The following VWA3B variants were observed in gnomAD, a reference collection of about 807,000 sequenced individuals.
VWA3B encodes von Willebrand factor A domain containing 3B.
A neutral mutation model predicts 158.3 loss-of-function variants in VWA3B; 138 were observed. That is an observed-to-expected ratio of 0.87 (90% CI 0.76 to 1.00). The LOEUF is 1.00. Ranked by LOEUF, VWA3B falls within the 50% of genes least tolerant of loss-of-function variation. The pLI, the probability that VWA3B is intolerant of heterozygous loss-of-function variation, is 0.00. For missense variants in VWA3B, 1,555 were observed against 1,565.1 expected (o/e 0.99, Z 0.11); for synonymous variants, 596 against 587.3 (o/e 1.01, Z -0.21).
In VWA3B at chr2:98,187,861, C is replaced by T. The variant is rs552752747; in HGVS notation, c.1312-114C>T. The T allele has an allele frequency of 7.9e-5, 86 of 1,084,272 alleles. 1 individual carries two copies. The South Asian group carries it at 1.3e-3, about 16-fold the overall frequency. The allele number at this position is 1,084,272 out of a possible 1,614,324, so 67.2% of individuals were successfully genotyped here. A position where few individuals can be genotyped will look rare whatever the true frequency, so the allele number is the denominator to read the frequency against. ...GTTGAACTAACAAAGGAATGATTGA[C>T]GGTAGAGTGGAGTGCTAGGAGCCAC... On this transcript the variant is annotated intron_variant, in intron 9 of 27. Transcript: ENST00000477737.
chr2:98,316,817 C>A (rs1054757291), downstream of VWA3B, among the ~76,000 whole-genome samples: 1 of 151,930 alleles, frequency 6.6e-6, no homozygotes. Context: ...GTAGCACCTC[C>A]CCTCCCCTCT....
chr2:98,313,850 G>A (rs931270003), downstream of VWA3B, among the ~76,000 whole-genome samples: 11 of 152,296 alleles, frequency 7.2e-5, no homozygotes, highest in African/African-American at 2.6e-4. Flanking sequence ...ACATTGCAGT[G>A]CACAAGGCCA....
chr2:98,267,819 A>G (rs1448839925), intron 21 of VWA3B, among the ~76,000 whole-genome samples: 1 of 152,156 alleles, frequency 6.6e-6, no homozygotes, highest in African/African-American at 2.4e-5. Flanking sequence ...AAAAAGAGAG[A>G]AGAATCAAAT....
chr2:98,306,479 G>A (rs373322915), intron 26 of VWA3B, among the ~76,000 whole-genome samples: 3 of 151,880 alleles, frequency 2.0e-5, no homozygotes, highest in East Asian at 3.9e-4. Flanking sequence ...TATCAAAAAC[G>A]TATGCTACAA....
chr2:98,322,267 G>C, the VWA3B span, among the ~76,000 whole-genome samples: 1 of 152,202 alleles, frequency 6.6e-6, no homozygotes, highest in Non-Finnish European at 1.5e-5. Flanking sequence ...ACTGCAAATG[G>C]AGAAGGAAAG....
Position 98,270,834 on chromosome 2 carries a change from A to G in VWA3B, c.2996A>G (p.Glu999Gly), listed in dbSNP as rs1482462848. The G allele has an allele frequency of 1.9e-6, 3 of 1,614,070 alleles. No homozygotes were observed. Among genetic ancestry groups the G allele is most frequent in the South Asian group, 1.1e-5 (1 of 91,072 alleles). The change falls in exon 22 of 28, where the codon GAA (glutamate) becomes GGA (glycine). Residue 999 changes from glutamate to glycine, a missense_variant. Physicochemically the swap from Glu to Gly is moderately conservative, Grantham distance 98. Coordinates refer to ENST00000477737, the MANE Select transcript of VWA3B (RefSeq NM_144992.5). ...AGKMYIQQAM[E>G]LQEAAKKNYA... Reference sequence around the variant, plus strand: ...AAAATGTACATCCAGCAGGCCATGGAACTCCAGGAGGCTGCCAAGAAGAAT... The same window carrying G: ...AAAATGTACATCCAGCAGGCCATGGGACTCCAGGAGGCTGCCAAGAAGAAT...
rs140358753 is a variant in VWA3B at position 98,115,863 on chromosome 2, T to A, written c.291+117T>A. On this transcript the variant is annotated intron_variant, in intron 3 of 27. Transcript: ENST00000477737. Reference sequence around the variant, plus strand: ...GCAGGGATGCAGCTGAGCCAAGCCCTTATTAGGCTGGGGGTTTTCTTTTGG... The same window carrying A: ...GCAGGGATGCAGCTGAGCCAAGCCCATATTAGGCTGGGGGTTTTCTTTTGG... 1,052 of 770,776 alleles carry A rather than the reference T, an allele frequency of 1.4e-3. 10 individuals are homozygous for A. In the African/African-American group the frequency reaches 0.016, roughly 12 times the overall value. The allele number at this position is 770,776 out of a possible 1,614,324, so 47.7% of individuals were successfully genotyped here.
intron 26 of VWA3B, among the ~76,000 whole-genome samples, chr2:98,311,273 T>C (rs1158136771): frequency 1.3e-5 from 2 of 152,210 alleles, no homozygotes; most frequent in African/African-American, 4.8e-5. Context: ...GTAAATAAGC[T>C]TTGTCAGCGT....
intron 25 of VWA3B, among the ~76,000 whole-genome samples, chr2:98,303,159 G>A (rs1316502906): frequency 6.6e-6 from 1 of 152,128 alleles, no homozygotes; most frequent in Non-Finnish European, 1.5e-5. Flanking sequence ...AGATGAGGCA[G>A]TTGGCCCAGG....
Position 98,186,405 on chromosome 2 carries a change from C to G in VWA3B, c.1312-1570C>G, listed in dbSNP as rs368165852. ...CCTTCAAAATGTACCCCTCCAGCCC[C>G]GCGGCCTACCCTGATCTCCCGACTA... On this transcript the variant is annotated intron_variant, in intron 9 of 27. Coordinates refer to ENST00000477737, the MANE Select transcript of VWA3B (RefSeq NM_144992.5). Among the ~76,000 whole-genome samples, 53 of 152,128 alleles carry G rather than the reference C, an allele frequency of 3.5e-4. No homozygotes were observed. The East Asian group carries it at 5.8e-3, about 17-fold the overall frequency.
chr2:98,115,848 A>ATC, intron 3 of VWA3B, 102 bp downstream of exon 3: 1 of 917,534 alleles, frequency 1.1e-6, no homozygotes, highest in Non-Finnish European at 1.7e-6. Context: ...GCAGGGATGC[A>ATC]GCTGAGCCAA....
At chr2:98,319,648 G>C in the VWA3B span, among the ~76,000 whole-genome samples, 44 of 152,328 alleles carry the variant, frequency 2.9e-4, no homozygotes, top group African/African-American at 1.0e-3. Context: ...GGGAGTCTGA[G>C]ATGGGTGGAT....
rs370834114 is a variant in VWA3B at position 98,192,894 on chromosome 2, C to T, written c.1467-4C>T. 7.4e-6 allele frequency: 12 copies of T among 1,614,022 alleles called. No individual in the cohort carries two copies. The African/African-American group carries it at 1.5e-4, about 20-fold the overall frequency. On this transcript the variant is annotated splice_region_variant and splice_polypyrimidine_tract_variant and intron_variant, in intron 10 of 27. Transcript: ENST00000477737. ...CATTCACTTTCAACCTACTTCCTGCCTAGGATTAAATGGCTACAGGATGGG... is the reference window on the plus strand; with the variant it reads ...CATTCACTTTCAACCTACTTCCTGCTTAGGATTAAATGGCTACAGGATGGG...
chr2:98,170,847 C>T (rs563277485), intron 8 of VWA3B, among the ~76,000 whole-genome samples: 143 of 152,146 alleles, frequency 9.4e-4, no homozygotes, highest in Admixed American at 6.0e-3. Flanking sequence ...CCTCATGATC[C>T]GCCTGCCTCA....
At chr2:98,304,424 T>A (rs1690389178) in intron 26 of VWA3B, among the ~76,000 whole-genome samples, 1 of 152,016 alleles carries the variant, frequency 6.6e-6, no homozygotes, top group Non-Finnish European at 1.5e-5. Context: ...AGAGATGAAG[T>A]TGGATGTTGA....
rs547952831 is a variant in VWA3B, at chr2:98,208,995, G to A, written c.1738-2935G>A. ...TGGAGGATATTTTCCCCAGATAGATGATTCATGGCTGGCAGTTATTTTCTC... is the reference window on the plus strand; with the variant it reads ...TGGAGGATATTTTCCCCAGATAGATAATTCATGGCTGGCAGTTATTTTCTC... On this transcript the variant is annotated intron_variant, in intron 12 of 27. Transcript: ENST00000477737. 1.2e-4 allele frequency among the ~76,000 whole-genome samples: 18 copies of A among 152,228 alleles called. 1 individual carries two copies. The East Asian group carries it at 2.3e-3, about 20-fold the overall frequency.
the VWA3B span, among the ~76,000 whole-genome samples, chr2:98,319,569 A>C: frequency 6.6e-6 from 1 of 152,202 alleles, no homozygotes; most frequent in Admixed American, 6.5e-5. Flanking sequence ...CACTCATGAT[A>C]AGAGAAAAAC....
intron 5 of VWA3B, among the ~76,000 whole-genome samples, chr2:98,123,084 G>A (rs1471304498): frequency 2.0e-5 from 3 of 152,192 alleles, no homozygotes; most frequent in Middle Eastern, 3.2e-3. Context: ...AAAAACACAT[G>A]TGTGTGTGGC....
chr2:98,207,521 TA>T, intron 12 of VWA3B: 1 of 517,762 alleles, frequency 1.9e-6, no homozygotes. Flanking sequence ...TGAATGTGGA[TA>T]ATACAACGTT....
Sources: allele counts gnomAD v4.1 joint callset (sites outside exome capture counted in the v4.1 genomes callset), GRCh38; gene constraint gnomAD v4.1.1; transcripts MANE v1.5; gene names NCBI Gene and HGNC (gene_info 2026-07-23, HGNC 2026-07-21).